Variants in DDR2 observed in about 807,000 individuals in gnomAD.
DDR2 encodes the protein discoidin domain receptor tyrosine kinase 2, also known as discoidin domain-containing receptor 2.
In DDR2, 27 loss-of-function variants were observed where a neutral mutation model predicts 94.9. The ratio of observed to expected loss-of-function variants is 0.28; its 90% CI spans 0.21 to 0.39. The LOEUF is 0.39. Ranked by LOEUF, DDR2 falls within the 10% of genes least tolerant of loss-of-function variation. The pLI is 1.00. For missense variants in DDR2, 783 were observed against 1,076.0 expected, an observed-to-expected ratio of 0.73 and a Z score of 3.81; for synonymous variants, 382 against 377.2, an observed-to-expected ratio of 1.01 and a Z score of -0.15.
upstream of DDR2, chr1:162,631,225 T>TGC (rs1491375045): frequency 2.1e-5 from 3 of 145,668 alleles, no homozygotes; most frequent in African/African-American, 7.8e-5. Context: ...TGTGTGTGTG[T>TGC]GCGCTTTTCC....
intron 1 of DDR2, among the ~76,000 whole-genome samples, chr1:162,648,830 C>G (rs1571143261): frequency 6.6e-6 from 1 of 152,150 alleles, no homozygotes; most frequent in East Asian, 1.9e-4. Flanking sequence ...CAAAAACACT[C>G]ATTTTCCCAC....
rs2102211479 is a variant in DDR2 at position 162,780,163 on chromosome 1, C to T, written c.2485C>T (p.Leu829Phe). Reference sequence around the variant, plus strand: ...TCCTGACTCTGTGTATAAGCTGATGCTCAGCTGCTGGAGAAGAGATACGAA... The same window carrying T: ...TCCTGACTCTGTGTATAAGCTGATGTTCAGCTGCTGGAGAAGAGATACGAA... ...ICPDSVYKLM[L>F]SCWRRDTKNR... The change falls in exon 18 of 18, where the codon CTC (leucine) becomes TTC (phenylalanine). Residue 829 changes from leucine to phenylalanine, a missense_variant. Transcript: ENST00000367921. 1 of 1,614,024 alleles carries T rather than the reference C, an allele frequency of 6.2e-7. No homozygotes were observed. Among genetic ancestry groups the T allele is most frequent in the Non-Finnish European group, 8.5e-7 (1 of 1,179,934 alleles).
intron 3 of DDR2, among the ~76,000 whole-genome samples, chr1:162,734,979 T>C (rs1662226587): frequency 6.6e-6 from 1 of 152,134 alleles, no homozygotes; most frequent in South Asian, 2.1e-4. Flanking sequence ...TGGGAGGTCA[T>C]GGAGGTTGCG....
At chr1:162,733,672 A>G (rs1662163538) in intron 3 of DDR2, among the ~76,000 whole-genome samples, 2 of 152,020 alleles carry the variant, frequency 1.3e-5, no homozygotes, top group Admixed American at 1.3e-4. Flanking sequence ...CTGCCTTTTC[A>G]TCTACTTATT....
intron 2 of DDR2, 114 bp from the exon 3 acceptor site, chr1:162,718,923 C>A: frequency 9.2e-7 from 1 of 1,085,222 alleles, no homozygotes; most frequent in Non-Finnish European, 1.4e-6. Context: ...AAAACAAACA[C>A]TGCAGGAACA....
chr1:162,677,983 A>G lies in DDR2; in HGVS notation c.-28+22609A>G, dbSNP rs117840055. ...TTATTTTTTAAACTTTGTACAAGGGAAGCCATAAAGAATTTGGGCAACTTG... is the reference window on the plus strand; with the variant it reads ...TTATTTTTTAAACTTTGTACAAGGGGAGCCATAAAGAATTTGGGCAACTTG... On this transcript the variant is annotated intron_variant, in intron 2 of 17. Coordinates refer to ENST00000367921, the MANE Select transcript of DDR2 (RefSeq NM_006182.4). 2.4e-3 allele frequency among the ~76,000 whole-genome samples: 369 copies of G among 152,248 alleles called. 6 individuals carry two copies. The East Asian group carries it at 0.041, about 17-fold the overall frequency.
intron 2 of DDR2, among the ~76,000 whole-genome samples, chr1:162,714,044 T>C (rs1312592963): frequency 6.6e-6 from 1 of 152,138 alleles, no homozygotes; most frequent in Non-Finnish European, 1.5e-5. Flanking sequence ...ATGTTTGTCT[T>C]TGTGACTACT....
At position 162,672,087 on chromosome 1, in the gene DDR2, G is replaced by A. The variant is rs371284378; in HGVS notation, c.-28+16713G>A. Among the ~76,000 whole-genome samples, 61 of 152,144 alleles carry A rather than the reference G, an allele frequency of 4.0e-4. 1 individual carries two copies. The highest frequency in any genetic ancestry group is 2.9e-4 in the African/African-American group (12 of 41,438). On this transcript the variant is annotated intron_variant, in intron 2 of 17. Coordinates refer to ENST00000367921, the MANE Select transcript of DDR2 (RefSeq NM_006182.4). The stretch of plus-strand genomic sequence containing the variant: ...ACATACTCTTGATACATCTTCTTGC[G>A]TCACTCTGTTGCTCAAAAGCCTTCA...
intron 2 of DDR2, among the ~76,000 whole-genome samples, chr1:162,689,373 G>A (rs1358367555): frequency 1.3e-5 from 2 of 152,274 alleles, no homozygotes; most frequent in East Asian, 1.9e-4. Flanking sequence ...AGAAGCATTA[G>A]CACCAACAGA....
Position 162,754,779 on chromosome 1 carries a change from T to C in DDR2, c.341T>C (p.Phe114Ser), listed in dbSNP as rs1299389424. ...GRHAGGHGIE[F>S]APMYKINYSR... ...CATGCAGGAGGTCATGGCATCGAGT[T>C]TGCCCCCATGTACAAGATCAATTAC... The change falls in exon 5 of 18, where the codon TTT (phenylalanine) becomes TCT (serine). Residue 114 changes from phenylalanine (F) to serine (S), a missense_variant. Transcript: ENST00000367921. 1 of 1,613,954 alleles carries C rather than the reference T, an allele frequency of 6.2e-7. No individual in the cohort carries two copies. The highest frequency in any genetic ancestry group is 1.3e-5 in the African/African-American group (1 of 74,880).
At chr1:162,735,762 A>C (rs1662268599) in intron 3 of DDR2, among the ~76,000 whole-genome samples, 1 of 152,232 alleles carries the variant, frequency 6.6e-6, no homozygotes, top group South Asian at 2.1e-4. Context: ...AGGAAATATA[A>C]TTTAACTGAA....
chr1:162,772,153 T>C lies in DDR2; in HGVS notation c.1634T>C (p.Met545Thr), dbSNP rs1647263440. 1.2e-6 allele frequency: 2 copies of C among 1,614,120 alleles called. No individual in the cohort carries two copies. The highest frequency in any genetic ancestry group is 2.7e-5 in the African/African-American group (2 of 74,940). ...ACATACTCAGTGCCTGCCGTCACCA[T>C]GGACCTGCTCTCAGGAAAAGATGTG... ...GNTYSVPAVT[M>T]DLLSGKDVAV... Residue 545 changes from methionine to threonine, a missense_variant, in exon 13 of 18, where the codon ATG becomes ACG. Around this residue, in one of 2 missense-constraint regions of DDR2, gnomAD observed 264 missense variants for 428.2 expected, o/e 0.62. Coordinates refer to ENST00000367921, the MANE Select transcript of DDR2 (RefSeq NM_006182.4).
chr1:162,673,590 TGTGTATGTGTGTGTGTGTGAGA>T (rs1174817542), intron 2 of DDR2, among the ~76,000 whole-genome samples: 1 of 132,470 alleles, frequency 7.5e-6, no homozygotes, highest in African/African-American at 3.1e-5. Flanking sequence ...CGTGTGTGTG[TGTGTATGTGTGTGTGTGTGAGA>T]GAGAGAGAGA....
chr1:162,680,695 A>G (rs1036061956), intron 2 of DDR2, among the ~76,000 whole-genome samples: 6 of 152,350 alleles, frequency 3.9e-5, no homozygotes, highest in Middle Eastern at 3.4e-3. Flanking sequence ...TTAGAATGGC[A>G]TTTAGGAAAA....
chr1:162,648,296 A>C (rs1333487802), intron 1 of DDR2, among the ~76,000 whole-genome samples: 1 of 152,178 alleles, frequency 6.6e-6, no homozygotes, highest in African/African-American at 2.4e-5. Context: ...TTGGATAGCC[A>C]GGTAGCAAAG....
intron 2 of DDR2, among the ~76,000 whole-genome samples, chr1:162,683,884 A>G (rs1659535575): frequency 6.6e-6 from 1 of 152,196 alleles, no homozygotes; most frequent in Non-Finnish European, 1.5e-5. Flanking sequence ...AGATAGAAAG[A>G]GGATTATTCT....
In DDR2 at chr1:162,782,894, C is replaced by A. The variant is rs1045234829; in HGVS notation, c.*2648C>A. 3.9e-5 allele frequency: 6 copies of A among 152,100 alleles called. No homozygotes were observed. The highest frequency in any genetic ancestry group is 7.4e-5 in the Non-Finnish European group (5 of 68,026). The allele number at this position is 152,100 out of a possible 1,614,324, so 9.4% of individuals were successfully genotyped here. A position where few individuals can be genotyped will look rare whatever the true frequency, so the allele number is the denominator to read the frequency against. Reference sequence around the variant, plus strand: ...TCCTTTTCTGGGATGAGGAAGGCTTCAACTTCTGGCACTGAGAACTTTGTA... The same window carrying A: ...TCCTTTTCTGGGATGAGGAAGGCTTAAACTTCTGGCACTGAGAACTTTGTA... On this transcript the variant is annotated 3_prime_UTR_variant, in exon 18 of 18. Coordinates refer to ENST00000367921, the MANE Select transcript of DDR2 (RefSeq NM_006182.4).
intron 2 of DDR2, among the ~76,000 whole-genome samples, chr1:162,708,847 A>G (rs1472141295): frequency 1.3e-5 from 2 of 152,226 alleles, no homozygotes; most frequent in African/African-American, 4.8e-5. Flanking sequence ...CTTACTATAT[A>G]GGTGTTAATG....
intron 6 of DDR2, 56 bp from the exon 7 acceptor site, chr1:162,755,608 C>A: frequency 5.4e-6 from 8 of 1,494,028 alleles, no homozygotes; most frequent in Non-Finnish European, 7.5e-6. Context: ...TCACATAGTT[C>A]CCTGAGGTAA....
Sources: allele counts gnomAD v4.1 joint callset (sites outside exome capture counted in the v4.1 genomes callset), GRCh38; gene constraint gnomAD v4.1.1; regional missense constraint gnomAD v4.1.1; transcripts MANE v1.5; gene names NCBI Gene and HGNC (gene_info 2026-07-23, HGNC 2026-07-21).